Variants in LHFPL6 observed in about 807,000 individuals in gnomAD.
The protein encoded by LHFPL6 is LHFPL tetraspan subfamily member 6.
LHFPL6 carries 9 observed loss-of-function variants against 20.6 expected under a neutral mutation model. The observed-to-expected ratio is 0.44, with a 90% confidence interval of 0.26 to 0.76. The LOEUF (loss-of-function observed/expected upper bound fraction) is 0.76, where lower values mean the gene tolerates loss of function less well. LHFPL6 is among the 30% of genes least tolerant of loss of function. The pLI, the probability that LHFPL6 is intolerant of heterozygous loss-of-function variation, is 0.20. For missense variants in LHFPL6, 218 were observed against 253.5 expected, an observed-to-expected ratio of 0.86 and a Z score of 0.95; for synonymous variants, 105 against 98.7, an observed-to-expected ratio of 1.06 and a Z score of -0.38.
chr13:39,582,764 T>C (rs918811745), intron 2 of LHFPL6, among the ~76,000 whole-genome samples: 2 of 152,190 alleles, frequency 1.3e-5, no homozygotes, highest in African/African-American at 2.4e-5. Context: ...GCAATCATCT[T>C]AGCAGCTGCA....
chr13:39,408,598 C>T (rs9566429), intron 2 of LHFPL6, among the ~76,000 whole-genome samples: 41,867 of 152,122 alleles, frequency 0.28, 6,101 homozygotes, highest in East Asian at 0.4. Context: ...TAGTGCTTTC[C>T]TATATTTTGT....
chr13:39,526,039 C>T (rs1870276657), intron 2 of LHFPL6, among the ~76,000 whole-genome samples: 1 of 152,152 alleles, frequency 6.6e-6, no homozygotes, highest in Admixed American at 6.5e-5. Context: ...TCTCACCTTC[C>T]TCCTACTAAC....
At chr13:39,491,495 T>C (rs1405599913) in intron 2 of LHFPL6, among the ~76,000 whole-genome samples, 2 of 152,226 alleles carry the variant, frequency 1.3e-5, no homozygotes, top group Non-Finnish European at 2.9e-5. Context: ...AGCCAAGAGA[T>C]AAACCAACAG....
intron 2 of LHFPL6, among the ~76,000 whole-genome samples, chr13:39,581,583 C>A (rs1872285986): frequency 8.7e-6 from 1 of 114,856 alleles, no homozygotes; most frequent in Non-Finnish European, 1.8e-5. Context: ...TCAGCTTTCA[C>A]AATCTCTCTC....
intron 2 of LHFPL6, among the ~76,000 whole-genome samples, chr13:39,510,372 G>T (rs1869649582): frequency 1.3e-5 from 2 of 152,292 alleles, no homozygotes; most frequent in South Asian, 4.1e-4. Flanking sequence ...TGTAACTTTT[G>T]CCCTGGGGCA....
chr13:39,383,352 T>TAA (rs1054656539), intron 2 of LHFPL6, among the ~76,000 whole-genome samples: 1 of 152,232 alleles, frequency 6.6e-6, no homozygotes, highest in Non-Finnish European at 1.5e-5. Context: ...AGAAAGATCT[T>TAA]AACCTGGACT....
chr13:39,585,098 G>A (rs1204713366), intron 2 of LHFPL6, among the ~76,000 whole-genome samples: 1 of 152,272 alleles, frequency 6.6e-6, no homozygotes, highest in South Asian at 2.1e-4. Context: ...TATGGAAGGT[G>A]CATTAGTAGA....
At chr13:39,362,062 A>G (rs1308965139) in intron 3 of LHFPL6, among the ~76,000 whole-genome samples, 2 of 152,240 alleles carry the variant, frequency 1.3e-5, no homozygotes, top group African/African-American at 2.4e-5. Context: ...AATCAAAATT[A>G]CACAAATATA....
chr13:39,443,174 T>C (rs1486798623), intron 2 of LHFPL6, among the ~76,000 whole-genome samples: 2 of 152,144 alleles, frequency 1.3e-5, no homozygotes, highest in Admixed American at 1.3e-4. Flanking sequence ...TGGTTAGTTA[T>C]TGCAGGAGTT....
chr13:39,454,180 A>G (rs1335381385), intron 2 of LHFPL6, among the ~76,000 whole-genome samples: 1 of 152,256 alleles, frequency 6.6e-6, no homozygotes, highest in African/African-American at 2.4e-5. Flanking sequence ...TTGTCTCATT[A>G]TAAAGTATTC....
chr13:39,365,122 T>C (rs893885503), intron 3 of LHFPL6, among the ~76,000 whole-genome samples: 2 of 152,188 alleles, frequency 1.3e-5, no homozygotes, highest in African/African-American at 4.8e-5. Context: ...TGGAAATACC[T>C]GAAATCCAGC....
intron 2 of LHFPL6, among the ~76,000 whole-genome samples, chr13:39,455,973 A>ATTG (rs1566115465): frequency 6.6e-6 from 1 of 152,262 alleles, no homozygotes; most frequent in East Asian, 1.9e-4. Context: ...ACACAAATGT[A>ATTG]TTGACTTGAC....
At position 39,434,432 on chromosome 13, in the gene LHFPL6, G is replaced by A. The variant is rs1457582703; in HGVS notation, c.386-55906C>T. On this transcript the variant is annotated intron_variant, in intron 2 of 3. Transcript: ENST00000379589. ...TTTCTCTATCAAGCATTTGCAACATGAGTGATTCTAATTTCATTTTTTCCT... is the reference window on the plus strand; with the variant it reads ...TTTCTCTATCAAGCATTTGCAACATAAGTGATTCTAATTTCATTTTTTCCT... 2.0e-5 allele frequency among the ~76,000 whole-genome samples: 3 copies of A among 152,178 alleles called. No individual in the cohort carries two copies. The East Asian group carries it at 5.8e-4, about 29-fold the overall frequency.
At chr13:39,447,245 T>G (rs1481470580) in intron 2 of LHFPL6, among the ~76,000 whole-genome samples, 2 of 152,186 alleles carry the variant, frequency 1.3e-5, no homozygotes, top group Non-Finnish European at 2.9e-5. Context: ...AGTGTGCCCA[T>G]TTAGTACAGT....
At chr13:39,481,495 G>A (rs1277449967) in intron 2 of LHFPL6, among the ~76,000 whole-genome samples, 1 of 152,208 alleles carries the variant, frequency 6.6e-6, no homozygotes, top group Non-Finnish European at 1.5e-5. Flanking sequence ...GTCATTGTGA[G>A]GTGGGGCTTC....
chr13:39,349,483 C>G (rs1487111853), intron 3 of LHFPL6, among the ~76,000 whole-genome samples: 1 of 152,160 alleles, frequency 6.6e-6, no homozygotes, highest in African/African-American at 2.4e-5. Flanking sequence ...TTCATTGATT[C>G]AACAAACATT....
chr13:39,437,869 T>C (rs1872006373), intron 2 of LHFPL6, among the ~76,000 whole-genome samples: 2 of 146,174 alleles, frequency 1.4e-5, no homozygotes, highest in South Asian at 4.3e-4. Flanking sequence ...GCCACTGCAC[T>C]CCAGCCTGGG....
chr13:39,370,607 A>G (rs1870139661), intron 3 of LHFPL6, among the ~76,000 whole-genome samples: 1 of 152,210 alleles, frequency 6.6e-6, no homozygotes, highest in Non-Finnish European at 1.5e-5. Context: ...TCTCTTCCTG[A>G]GCTGAGTGAC....
At chr13:39,482,810 AG>A (rs1868570578) in intron 2 of LHFPL6, among the ~76,000 whole-genome samples, 1 of 152,194 alleles carries the variant, frequency 6.6e-6, no homozygotes, top group African/African-American at 2.4e-5. Flanking sequence ...TTGGAAGGGA[AG>A]GTAGAGTTTC....
Sources: gnomAD v4.1 joint callset for allele counts (sites outside exome capture counted in the v4.1 genomes callset) on GRCh38, gnomAD v4.1.1 for gene constraint, MANE v1.5 for transcripts, NCBI Gene and HGNC (gene_info 2026-07-23, HGNC 2026-07-21) for gene names.